NEDD1: variants seen among roughly 807,000 people sequenced by gnomAD.
The protein encoded by NEDD1 is NEDD1 gamma-tubulin ring complex targeting factor, also known as protein NEDD1.
Under a neutral mutation model 74.0 loss-of-function variants are expected in NEDD1, and 33 were observed. The ratio of observed to expected loss-of-function variants is 0.45; its 90% CI spans 0.34 to 0.60. NEDD1 has a LOEUF of 0.60. Ranked by LOEUF, NEDD1 falls within the 20% of genes least tolerant of loss-of-function variation. The pLI, the probability that NEDD1 is intolerant of heterozygous loss-of-function variation, is 0.01. For missense variants in NEDD1, 746 were observed against 776.5 expected, an observed-to-expected ratio of 0.96 and a Z score of 0.47; for synonymous variants, 250 against 264.4, an observed-to-expected ratio of 0.95 and a Z score of 0.53.
rs1878699029 is a variant in NEDD1 at position 96,951,451 on chromosome 12, A to G, written c.1831A>G (p.Ile611Val). The G allele has an allele frequency of 1.3e-6, 2 of 1,574,282 alleles. No individual in the cohort carries two copies. The highest frequency in any genetic ancestry group is 8.7e-7 in the Non-Finnish European group (1 of 1,147,890). ...DDFREACHRD[I>V]VNLQVEMIKQ... The stretch of plus-strand genomic sequence containing the variant: ...TCCTAGAGAAGCATGCCATAGGGAC[A>G]TTGTGAATTTGCAAGTGGAGATGAT... The change falls in exon 15 of 16, where the codon ATT becomes GTT. Residue 611 changes from isoleucine (I) to valine (V), a missense_variant. Transcript: ENST00000266742.
intron 5 of NEDD1, 44 bp downstream of exon 5, chr12:96,917,781 A>C (rs142378138): frequency 6.6e-7 from 1 of 1,524,648 alleles, no homozygotes; most frequent in Admixed American, 2.5e-5. Context: ...TGGATATCTT[A>C]ATGCATTTAG....
intron 3 of NEDD1, among the ~76,000 whole-genome samples, chr12:96,911,754 C>T (rs566118385): frequency 6.6e-6 from 1 of 152,046 alleles, no homozygotes. Context: ...TGGTTTTTCT[C>T]GCTATGGTAA....
chr12:96,907,498 G>A, intron 1 of NEDD1, 106 bp from the exon 2 acceptor site: 5 of 933,292 alleles, frequency 5.4e-6, no homozygotes, highest in Non-Finnish European at 8.5e-6. Context: ...GGCCGGGGTC[G>A]CGCACCTCCC....
chr12:96,944,851 A>G (rs1361019158), intron 13 of NEDD1, 56 bp downstream of exon 13: 3 of 1,279,942 alleles, frequency 2.3e-6, no homozygotes, highest in African/African-American at 3.1e-5. Context: ...AATCATCCCC[A>G]TTATTTAACT....
At chr12:96,920,320 A>G (rs1272623895) in intron 6 of NEDD1, among the ~76,000 whole-genome samples, 195 bp downstream of exon 6, 1 of 152,006 alleles carries the variant, frequency 6.6e-6, no homozygotes, top group African/African-American at 2.4e-5. Context: ...TTGATTATGT[A>G]ATCAAATAGT....
intron 11 of NEDD1, 49 bp downstream of exon 11, chr12:96,942,673 T>G: frequency 1.1e-6 from 1 of 883,774 alleles, no homozygotes; most frequent in Non-Finnish European, 1.9e-6. Context: ...GTGAATTGTA[T>G]TATCTATGCT....
intron 6 of NEDD1, among the ~76,000 whole-genome samples, chr12:96,924,681 T>G (rs1483234462): frequency 1.3e-5 from 2 of 152,244 alleles, no homozygotes; most frequent in Non-Finnish European, 2.9e-5. Flanking sequence ...TAAATTCACT[T>G]AATAGTTTGG....
chr12:96,949,090 G>A (rs1878467447), intron 14 of NEDD1, among the ~76,000 whole-genome samples: 1 of 152,132 alleles, frequency 6.6e-6, no homozygotes. Flanking sequence ...CACCCAGCGA[G>A]ACTATCTCAA....
intron 2 of NEDD1, among the ~76,000 whole-genome samples, chr12:96,909,172 G>A (rs557604402): frequency 4.5e-5 from 5 of 111,266 alleles, no homozygotes; most frequent in South Asian, 3.4e-4. Flanking sequence ...GTGAAACTCC[G>A]TCTCAAAAAA....
At chr12:96,937,601 T>C (rs1877262043) in intron 9 of NEDD1, among the ~76,000 whole-genome samples, 1 of 152,106 alleles carries the variant, frequency 6.6e-6, no homozygotes, top group Admixed American at 6.6e-5. Context: ...AAGGCCCTTA[T>C]TGTTTAGCTA....
intron 4 of NEDD1, among the ~76,000 whole-genome samples, chr12:96,914,273 T>C (rs1435394963): frequency 2.0e-5 from 3 of 152,226 alleles, no homozygotes; most frequent in Non-Finnish European, 4.4e-5. Context: ...TATATATATG[T>C]ACTACTGTTA....
chr12:96,920,804 A>G (rs780614957), intron 6 of NEDD1, among the ~76,000 whole-genome samples: 57 of 152,064 alleles, frequency 3.7e-4, no homozygotes, highest in Non-Finnish European at 6.6e-4. Flanking sequence ...CTCTTTGGCC[A>G]TAACTATTAT....
chr12:96,951,370 T>G, intron 14 of NEDD1, 62 bp from the exon 15 acceptor site: 2 of 905,114 alleles, frequency 2.2e-6, no homozygotes, highest in Non-Finnish European at 3.5e-6. Flanking sequence ...AGTGAGTTTC[T>G]TGAATGACCT....
intron 6 of NEDD1, among the ~76,000 whole-genome samples, chr12:96,930,464 C>T (rs1876332759): frequency 6.6e-6 from 1 of 152,112 alleles, no homozygotes; most frequent in Non-Finnish European, 1.5e-5. Flanking sequence ...ATGTGCTTAA[C>T]CCCTTCCAGG....
chr12:96,952,913 A>G lies in NEDD1; in HGVS notation c.*860A>G, dbSNP rs1430873187. On this transcript the variant is annotated 3_prime_UTR_variant, in exon 16 of 16. Coordinates refer to ENST00000266742, the MANE Select transcript of NEDD1 (RefSeq NM_152905.4). Reference sequence around the variant, plus strand: ...CCAAATAAGAAGCTTGGATTATTTTATTTTGTGGTCTTTATCATTAACTTT... The same window carrying G: ...CCAAATAAGAAGCTTGGATTATTTTGTTTTGTGGTCTTTATCATTAACTTT... 6.6e-6 allele frequency: 1 copy of G among 151,682 alleles called. No homozygotes were observed. Among genetic ancestry groups the G allele is most frequent in the East Asian group, 1.9e-4 (1 of 5,182 alleles). The allele number at this position is 151,682 out of a possible 1,614,324, so 9.4% of individuals were successfully genotyped here.
Position 96,907,651 on chromosome 12 carries a change from G to A in NEDD1, c.-214G>A, listed in dbSNP as rs917735150. 6.4e-7 allele frequency: 1 copy of A among 1,550,656 alleles called. No individual in the cohort carries two copies. The highest frequency in any genetic ancestry group is 2.0e-5 in the Admixed American group (1 of 50,994). ...TTAGCCTCACTTGAGCTGTTGTCCT[G>A]CAAGTAAAGTGTATTTTTGGTGATT... On this transcript the variant is annotated 5_prime_UTR_variant, in exon 2 of 16. Transcript: ENST00000266742.
rs1815400451 is a variant in NEDD1 at position 96,943,681 on chromosome 12, G to A, written c.1416G>A (p.Glu472=). The A allele has an allele frequency of 6.2e-7, 1 of 1,612,534 alleles. No homozygotes were observed. ...TTTTTATGGGATCTCCAGGGAAAGA[G>A]GAAAATGAAAACCGTGATCTAACAG... ...LNVFMGSPGK[E]ENENRDLTAE... Residue 472 remains glutamate, a synonymous_variant, in exon 12 of 16, where the codon GAG becomes GAA. Coordinates refer to ENST00000266742, the MANE Select transcript of NEDD1 (RefSeq NM_152905.4).
chr12:96,912,614 C>T (rs1334687724), intron 3 of NEDD1, 109 bp from the exon 4 acceptor site: 2 of 619,344 alleles, frequency 3.2e-6, no homozygotes, highest in African/African-American at 1.9e-5. Context: ...GTAAGCTATA[C>T]TCATTGCTTG....
rs186499238 is a variant in NEDD1 at position 96,952,198 on chromosome 12, A to T, written c.*145A>T. On this transcript the variant is annotated 3_prime_UTR_variant, in exon 16 of 16. Coordinates refer to ENST00000266742, the MANE Select transcript of NEDD1 (RefSeq NM_152905.4). ...AAGGATGATGGGATTTTATACCAAC[A>T]ACTGTTTCATCTTAAAAATATGTAT... 53 of 554,620 alleles carry T rather than the reference A, an allele frequency of 9.6e-5. No individual in the cohort carries two copies. In the East Asian group the frequency reaches 1.6e-3, roughly 17 times the overall value. 34.4% of individuals were successfully genotyped at this position (554,620 alleles called of 1,614,324 possible). A position where few individuals can be genotyped will look rare whatever the true frequency, so the allele number is the denominator to read the frequency against.
Sources: gnomAD v4.1 joint callset for allele counts (sites outside exome capture counted in the v4.1 genomes callset) on GRCh38, gnomAD v4.1.1 for gene constraint, MANE v1.5 for transcripts, NCBI Gene and HGNC (gene_info 2026-07-23, HGNC 2026-07-21) for gene names.